Variants in TES observed in about 807,000 individuals in gnomAD.
TES encodes testin LIM domain protein.
A neutral mutation model predicts 48.2 loss-of-function variants in TES; 41 were observed. The ratio of observed to expected loss-of-function variants is 0.85; its 90% confidence interval spans 0.66 to 1.10. TES has a LOEUF of 1.10. Among genes scored for constraint, TES ranks in the 50% least tolerant of loss-of-function variants. The probability of loss-of-function intolerance (pLI) is 0.00; values close to 1 mark genes in which losing one functional copy is unlikely to be tolerated. For synonymous variants in TES, 162 were observed against 174.9 expected, an observed-to-expected ratio of 0.93 and a Z score of 0.58; for missense variants, 463 against 515.1, an observed-to-expected ratio of 0.90 and a Z score of 0.98.
At chr7:116,229,010 A>AC (rs1799660988) in intron 1 of TES, among the ~76,000 whole-genome samples, 1 of 131,880 alleles carries the variant, frequency 7.6e-6, no homozygotes, top group East Asian at 2.3e-4. Flanking sequence ...ATATATATAT[A>AC]TATATATATA....
chr7:116,254,382 A>G (rs1262408696), intron 6 of TES, among the ~76,000 whole-genome samples: 1 of 152,158 alleles, frequency 6.6e-6, no homozygotes, highest in Non-Finnish European at 1.5e-5. Flanking sequence ...ATGGCAGGGT[A>G]TAACCACAGA....
chr7:116,237,837 TGTGTGG>T, intron 2 of TES: 1 of 133,826 alleles, frequency 7.5e-6, no homozygotes, highest in Non-Finnish European at 1.6e-5. Context: ...TTCCTTGGTG[TGTGTGG>T]GTGTGTGTGT....
chr7:116,211,884 A>G (rs1171458952), intron 1 of TES, among the ~76,000 whole-genome samples: 1 of 152,212 alleles, frequency 6.6e-6, no homozygotes, highest in Non-Finnish European at 1.5e-5. Context: ...AAAACTCGAA[A>G]TGAGAAAACA....
At chr7:116,252,553 CA>C (rs1329026249) in intron 6 of TES, 77 bp downstream of exon 6, 2 of 1,604,462 alleles carry the variant, frequency 1.2e-6, no homozygotes, top group Non-Finnish European at 1.7e-6. Context: ...AAGCCTCTTA[CA>C]AATGGGAAAC....
At chr7:116,252,026 T>A in intron 5 of TES, 51 bp downstream of exon 5, 1 of 1,567,488 alleles carries the variant, frequency 6.4e-7, no homozygotes, top group Non-Finnish European at 8.8e-7. Context: ...GACCCTCATA[T>A]GGTCCCTTTA....
chr7:116,222,644 G>A (rs1264598489), intron 1 of TES, among the ~76,000 whole-genome samples: 2 of 152,118 alleles, frequency 1.3e-5, no homozygotes, highest in African/African-American at 2.4e-5. Context: ...CCTTAATTAA[G>A]ACCTCTCAAA....
chr7:116,251,587 G>A (rs58266146), intron 4 of TES, 173 bp from the exon 5 acceptor site: 161,380 of 619,026 alleles, frequency 0.26, 22,559 homozygotes, highest in African/African-American at 0.43. Context: ...GGAGGCTGAG[G>A]CAGGAGAACG....
At chr7:116,236,927 C>T (rs1799779854) in intron 2 of TES, among the ~76,000 whole-genome samples, 1 of 152,162 alleles carries the variant, frequency 6.6e-6, no homozygotes, top group Non-Finnish European at 1.5e-5. Flanking sequence ...CAGTCCACCC[C>T]ATTGGTATTT....
chr7:116,245,830 G>A (rs1363815374), intron 2 of TES, among the ~76,000 whole-genome samples: 1 of 152,146 alleles, frequency 6.6e-6, no homozygotes, highest in African/African-American at 2.4e-5. Flanking sequence ...GGAGGCCTCA[G>A]GAAACTTACA....
At chr7:116,213,130 G>T (rs1476550092) in intron 1 of TES, among the ~76,000 whole-genome samples, 1 of 152,150 alleles carries the variant, frequency 6.6e-6, no homozygotes, top group Non-Finnish European at 1.5e-5. Context: ...CTCTCAAAAA[G>T]AAATTTATGT....
At chr7:116,215,521 T>G (rs1448165426) in intron 1 of TES, among the ~76,000 whole-genome samples, 1 of 152,172 alleles carries the variant, frequency 6.6e-6, no homozygotes, top group Non-Finnish European at 1.5e-5. Context: ...AAAAGGAGTT[T>G]CTGGGAAACT....
chr7:116,217,969 A>T (rs756192551), intron 1 of TES: 1 of 485,940 alleles, frequency 2.1e-6, no homozygotes, highest in African/African-American at 2.0e-5. Flanking sequence ...ATTTTGGTCA[A>T]ATTCAAAAAA....
At chr7:116,254,752 A>G (rs1335651729) in intron 6 of TES, among the ~76,000 whole-genome samples, 15 of 83,744 alleles carry the variant, frequency 1.8e-4, no homozygotes, top group African/African-American at 3.3e-4. Context: ...AAAAAAATAT[A>G]TATATATGTG....
chr7:116,249,061 A>T lies in TES; in HGVS notation c.155A>T (p.Asp52Val), dbSNP rs770705421. Residue 52 changes from aspartate to valine, a missense_variant, in exon 3 of 7, where the codon GAT (aspartate) becomes GTT (valine). Coordinates refer to ENST00000358204, the MANE Select transcript of TES (RefSeq NM_015641.4). ...RNCKCGQEEH[D>V]VLLSNEEDRK... ...TGCAAGTGTGGCCAAGAAGAGCATG[A>T]TGTCCTCTTGAGCAATGAAGAGGAT... is the stretch of plus-strand genomic sequence containing the variant. The T allele has an allele frequency of 4.3e-6, 7 of 1,612,800 alleles. No homozygotes were observed. The South Asian group carries it at 7.7e-5, about 18-fold the overall frequency.
intron 2 of TES, chr7:116,238,073 G>A (rs1238326979): frequency 6.6e-6 from 1 of 152,164 alleles, no homozygotes; most frequent in East Asian, 1.9e-4. Flanking sequence ...CCCCCAAGTT[G>A]TTAGGAATCA....
intron 1 of TES, among the ~76,000 whole-genome samples, chr7:116,212,437 G>T (rs970095644): frequency 2.6e-5 from 4 of 152,176 alleles, no homozygotes; most frequent in Non-Finnish European, 4.4e-5. Context: ...TTCATCACTT[G>T]TAACAAATGT....
At chr7:116,235,867 A>T (rs1355084519) in intron 2 of TES, among the ~76,000 whole-genome samples, 2 of 152,208 alleles carry the variant, frequency 1.3e-5, no homozygotes, top group Non-Finnish European at 2.9e-5. Context: ...TTAGACATTA[A>T]TCTCTTTTAA....
At chr7:116,245,840 A>C (rs1170699424) in intron 2 of TES, among the ~76,000 whole-genome samples, 1 of 152,200 alleles carries the variant, frequency 6.6e-6, no homozygotes, top group African/African-American at 2.4e-5. Flanking sequence ...GGAAACTTAC[A>C]AACATGGTGG....
rs765315992 is a variant in TES at position 116,234,670 on chromosome 7, A to G, written c.113+51A>G. ...ATTAGTAATTTATACTTTTTGCAAT[A>G]CTTCCTCAGACAGTGGAGATATCTT... On this transcript the variant is annotated intron_variant, in intron 2 of 6. Coordinates refer to ENST00000358204, the MANE Select transcript of TES (RefSeq NM_015641.4). 14 of 1,440,586 alleles carry G rather than the reference A, an allele frequency of 9.7e-6. No individual in the cohort carries two copies. The East Asian group carries it at 2.3e-4, about 23-fold the overall frequency. 89.2% of individuals were successfully genotyped at this position (1,440,586 alleles called of 1,614,324 possible). A position where few individuals can be genotyped will look rare whatever the true frequency, so the allele number is the denominator to read the frequency against.
Sources: allele counts gnomAD v4.1 joint callset (sites outside exome capture counted in the v4.1 genomes callset), GRCh38; gene constraint gnomAD v4.1.1; transcripts MANE v1.5; gene names NCBI Gene and HGNC (gene_info 2026-07-23, HGNC 2026-07-21).